The following FHIT variants were observed in gnomAD, a reference collection of about 807,000 sequenced individuals.
The protein encoded by FHIT is bis(5'-adenosyl)-triphosphatase.
Under a neutral mutation model 17.9 loss-of-function variants are expected in FHIT, and 19 were observed. The ratio of observed to expected loss-of-function variants is 1.06; its 90% CI spans 0.74 to 1.56. FHIT has a LOEUF of 1.56. Ranked by LOEUF, FHIT falls within the 40% of genes most tolerant of loss-of-function variation. FHIT has a pLI of 0.00. For synonymous variants in FHIT, 81 were observed against 69.7 expected (o/e 1.16, Z -0.81); for missense variants, 248 against 189.2 (o/e 1.31, Z -1.82).
chr3:60,436,778 G>C (rs1247158701), intron 5 of FHIT, among the ~76,000 whole-genome samples: 1 of 151,910 alleles, frequency 6.6e-6, no homozygotes, highest in African/African-American at 2.4e-5. Context: ...TTATTTCTAA[G>C]GCATTAATAT....
chr3:60,341,593 C>G (rs1710519258), intron 5 of FHIT, among the ~76,000 whole-genome samples: 1 of 151,954 alleles, frequency 6.6e-6, no homozygotes, highest in African/African-American at 2.4e-5. Context: ...TGCTCTCCCT[C>G]TTGATTTTTT....
chr3:60,969,061 G>T (rs543599416), intron 3 of FHIT, among the ~76,000 whole-genome samples: 65 of 152,058 alleles, frequency 4.3e-4, no homozygotes, highest in African/African-American at 1.6e-3. Flanking sequence ...CATCTTTGGG[G>T]TCAAGGTTAT....
chr3:59,760,339 A>G (rs138891614), intron 8 of FHIT, among the ~76,000 whole-genome samples: 260 of 152,324 alleles, frequency 1.7e-3, no homozygotes, highest in African/African-American at 5.7e-3. Context: ...CCACTGTACT[A>G]TAACAGACCC....
At chr3:60,247,835 G>A (rs1029316354) in intron 5 of FHIT, among the ~76,000 whole-genome samples, 2 of 152,136 alleles carry the variant, frequency 1.3e-5, no homozygotes, top group African/African-American at 4.8e-5. Context: ...ATGAAAGAAT[G>A]CAGTTAGGAG....
intron 1 of FHIT, among the ~76,000 whole-genome samples, chr3:61,248,970 C>T (rs1196756833): frequency 1.3e-5 from 2 of 152,106 alleles, no homozygotes; most frequent in East Asian, 3.9e-4. Context: ...GCATTAAGTC[C>T]TTATCATCTA....
At chr3:60,644,706 A>G (rs113871430) in intron 4 of FHIT, among the ~76,000 whole-genome samples, 2,764 of 152,254 alleles carry the variant, frequency 0.018, 92 homozygotes, top group African/African-American at 0.062. Flanking sequence ...GGCAGTTCTA[A>G]AACAACTTCA....
intron 5 of FHIT, among the ~76,000 whole-genome samples, chr3:60,362,817 G>A (rs1327289730): frequency 6.6e-6 from 1 of 152,130 alleles, no homozygotes; most frequent in East Asian, 1.9e-4. Context: ...TATACAAAAA[G>A]TCAAATGAGT....
chr3:60,697,511 C>A (rs2041141951), intron 4 of FHIT, among the ~76,000 whole-genome samples: 2 of 152,128 alleles, frequency 1.3e-5, no homozygotes, highest in South Asian at 4.1e-4. Context: ...CACTTATACT[C>A]AAAAAGGTGT....
chr3:60,035,469 C>A (rs1415396744), intron 5 of FHIT, among the ~76,000 whole-genome samples: 3 of 152,224 alleles, frequency 2.0e-5, no homozygotes, highest in Admixed American at 2.0e-4. Flanking sequence ...AACTCCTTGC[C>A]TTGGCCTCCC....
chr3:61,167,454 T>C (rs946010630), intron 2 of FHIT, among the ~76,000 whole-genome samples: 15 of 151,054 alleles, frequency 9.9e-5, no homozygotes, highest in Non-Finnish European at 1.9e-4. Flanking sequence ...CTGGCCAACA[T>C]GGCAAAACTC....
intron 4 of FHIT, among the ~76,000 whole-genome samples, chr3:60,734,226 CA>C (rs1553712037): frequency 6.6e-6 from 1 of 152,080 alleles, no homozygotes; most frequent in African/African-American, 2.4e-5. Flanking sequence ...TCTTAGAAAC[CA>C]TTTTAACATG....
chr3:60,989,824 C>T (rs943613812), intron 3 of FHIT, among the ~76,000 whole-genome samples: 38 of 152,190 alleles, frequency 2.5e-4, no homozygotes, highest in Non-Finnish European at 5.0e-4. Context: ...TACTCAGAGA[C>T]GGTAAACAGA....
At chr3:59,968,826 G>C (rs1708049094) in intron 7 of FHIT, among the ~76,000 whole-genome samples, 1 of 152,194 alleles carries the variant, frequency 6.6e-6, no homozygotes, top group Non-Finnish European at 1.5e-5. Flanking sequence ...AGAGATGCTA[G>C]AGTTAAACAA....
chr3:61,177,181 AAAAAAAAAAG>A (rs2038185183), intron 2 of FHIT, among the ~76,000 whole-genome samples: 1 of 110,428 alleles, frequency 9.1e-6, no homozygotes, highest in Admixed American at 1.1e-4. Flanking sequence ...CATCTCAAAA[AAAAAAAAAAG>A]AAAAAGAAAG....
intron 8 of FHIT, among the ~76,000 whole-genome samples, chr3:59,782,963 G>A (rs1216867051): frequency 6.6e-6 from 1 of 152,114 alleles, no homozygotes; most frequent in Non-Finnish European, 1.5e-5. Flanking sequence ...ACCTGCCCTT[G>A]CAGATATACC....
intron 5 of FHIT, among the ~76,000 whole-genome samples, chr3:60,238,772 T>G (rs1488935803): frequency 6.6e-6 from 1 of 152,104 alleles, no homozygotes; most frequent in Non-Finnish European, 1.5e-5. Context: ...TTCCCCTTCA[T>G]GCCAACCCTG....
At chr3:60,682,993 G>C (rs2040786347) in intron 4 of FHIT, among the ~76,000 whole-genome samples, 1 of 152,194 alleles carries the variant, frequency 6.6e-6, no homozygotes, top group Non-Finnish European at 1.5e-5. Flanking sequence ...GGAGGAAGGA[G>C]CTGAAGATGT....
intron 4 of FHIT, among the ~76,000 whole-genome samples, chr3:60,791,615 A>C (rs1302707911): frequency 6.6e-6 from 1 of 152,212 alleles, no homozygotes; most frequent in Non-Finnish European, 1.5e-5. Flanking sequence ...TTATCATCTT[A>C]CAGGACAGAG....
chr3:60,069,692 A>C (rs1252853730), intron 5 of FHIT, among the ~76,000 whole-genome samples: 2 of 152,176 alleles, frequency 1.3e-5, no homozygotes, highest in African/African-American at 2.4e-5. Flanking sequence ...TCTTGGAAAG[A>C]CATTCTGTGC....
Sources: allele counts gnomAD v4.1 joint callset (sites outside exome capture counted in the v4.1 genomes callset), GRCh38; gene constraint gnomAD v4.1.1; transcripts MANE v1.5; gene names NCBI Gene and HGNC (gene_info 2026-07-23, HGNC 2026-07-21).